Variants in ATP8A1 observed in about 807,000 individuals in gnomAD.
ATP8A1 encodes the protein phospholipid-transporting ATPase IA.
Under a neutral mutation model 177.7 loss-of-function variants are expected in ATP8A1, and 90 were observed. The ratio of observed to expected loss-of-function variants is 0.51; its 90% confidence interval spans 0.43 to 0.60. The LOEUF (loss-of-function observed/expected upper bound fraction) is 0.60, where lower values mean the gene tolerates loss of function less well. Among genes scored for constraint, ATP8A1 ranks in the 20% least tolerant of loss-of-function variants. ATP8A1 has a pLI of 0.00. For missense variants in ATP8A1, 1,072 were observed against 1,392.8 expected, an observed-to-expected ratio of 0.77 and a Z score of 3.67; for synonymous variants, 493 against 485.9, an observed-to-expected ratio of 1.01 and a Z score of -0.19.
chr4:42,574,117 T>C (rs1220217937), intron 14 of ATP8A1, among the ~76,000 whole-genome samples: 1 of 152,152 alleles, frequency 6.6e-6, no homozygotes, highest in Non-Finnish European at 1.5e-5. Flanking sequence ...TCTGATGATA[T>C]TAATTATCCT....
chr4:42,443,979 T>C (rs902328869), intron 32 of ATP8A1, among the ~76,000 whole-genome samples: 16 of 152,322 alleles, frequency 1.1e-4, no homozygotes, highest in Middle Eastern at 3.4e-3. Flanking sequence ...TTACTCTTGG[T>C]CTGCATGCTC....
At chr4:42,469,740 G>C (rs571934364) in intron 25 of ATP8A1, among the ~76,000 whole-genome samples, 1 of 152,082 alleles carries the variant, frequency 6.6e-6, no homozygotes, top group Non-Finnish European at 1.5e-5. Flanking sequence ...AAATTCTCCA[G>C]AATATATTAT....
In ATP8A1 at chr4:42,581,697, C is replaced by T. The variant is rs1188738511; in HGVS notation, c.758G>A (p.Arg253Gln). The T allele has an allele frequency of 6.2e-6, 10 of 1,613,948 alleles. No individual in the cohort carries two copies. Among genetic ancestry groups the T allele is most frequent in the South Asian group, 2.2e-5 (2 of 91,082 alleles). ...VPLGADQILL[R>Q]GAQLRNTQWV... is the part of the protein sequence containing the mutation. ...CTGTGTATTTCTCAACTGAGCTCCTCGAAGAAGAATCTGATCTGCTCCCAG... is the reference window on the plus strand; with the variant it reads ...CTGTGTATTTCTCAACTGAGCTCCTTGAAGAAGAATCTGATCTGCTCCCAG... The change falls in exon 10 of 37, where the codon CGA becomes CAA. Residue 253 changes from arginine to glutamine, a missense_variant. Around this residue, in one of 5 missense-constraint regions of ATP8A1, gnomAD observed 344 missense variants for 393.5 expected, o/e 0.87. Transcript: ENST00000381668.
chr4:42,551,636 C>G (rs1156232811), intron 17 of ATP8A1, among the ~76,000 whole-genome samples: 1 of 152,144 alleles, frequency 6.6e-6, no homozygotes, highest in Non-Finnish European at 1.5e-5. Context: ...AACTTTTATC[C>G]TTTTCCTCCT....
intron 33 of ATP8A1, among the ~76,000 whole-genome samples, chr4:42,435,017 A>C (rs904518087): frequency 4.6e-5 from 7 of 152,242 alleles, no homozygotes; most frequent in African/African-American, 1.7e-4. Flanking sequence ...TATGCCATAA[A>C]GTAACTTGCT....
chr4:42,412,995 T>C lies in ATP8A1; in HGVS notation c.3416A>G (p.Gln1139Arg). The part of the protein sequence containing the change: ...QNLLHGYAFS[Q>R]DENGIVSQSE... ...CTGTGAAACGATTCCATTTTCATCT[T>C]GAGAGAACGCATACCCATCTGTAGG... Residue 1139 changes from glutamine to arginine, a missense_variant, in exon 37 of 37, where the codon CAA (glutamine) becomes CGA (arginine). By Grantham distance (43) the Gln-to-Arg change is conservative (BLOSUM62 1). This residue lies in a region of ATP8A1 where 316 missense variants were observed against 459.1 expected (regional missense o/e 0.69). Transcript: ENST00000381668. 1 of 1,613,400 alleles carries C rather than the reference T, an allele frequency of 6.2e-7. No individual in the cohort carries two copies. The highest frequency in any genetic ancestry group is 8.5e-7 in the Non-Finnish European group (1 of 1,179,528).
chr4:42,504,887 CTTTT>C (rs1560399180), intron 23 of ATP8A1, among the ~76,000 whole-genome samples: 2 of 152,346 alleles, frequency 1.3e-5, no homozygotes, highest in East Asian at 1.9e-4. Flanking sequence ...ACTATTCTTT[CTTTT>C]ATTTTTGTGC....
chr4:42,498,127 T>C lies in ATP8A1; in HGVS notation c.2151+5323A>G, dbSNP rs1412802850. Among the ~76,000 whole-genome samples, 3 of 152,198 alleles carry C rather than the reference T, an allele frequency of 2.0e-5. No homozygotes were observed. In the East Asian group the frequency reaches 5.8e-4, roughly 29 times the overall value. On this transcript the variant is annotated intron_variant, in intron 24 of 36. Transcript: ENST00000381668. Reference sequence around the variant, plus strand: ...AAACTATTTTCAAAGCAATACAAAATATATTGTATGAGACTCATGGGACAT... The same window carrying C: ...AAACTATTTTCAAAGCAATACAAAACATATTGTATGAGACTCATGGGACAT...
intron 1 of ATP8A1, among the ~76,000 whole-genome samples, chr4:42,646,497 C>T (rs1740550898): frequency 6.6e-6 from 1 of 152,196 alleles, no homozygotes; most frequent in Non-Finnish European, 1.5e-5. Context: ...TACTTCAGGA[C>T]CAGAATTAAC....
At chr4:42,459,417 T>C in intron 27 of ATP8A1, 1 of 218,618 alleles carries the variant, frequency 4.6e-6, no homozygotes, top group East Asian at 1.4e-4. Context: ...TCTTATTTTA[T>C]AAAATTAACT....
chr4:42,656,016 A>G (rs1353728586), intron 1 of ATP8A1, among the ~76,000 whole-genome samples: 1 of 152,248 alleles, frequency 6.6e-6, no homozygotes, highest in African/African-American at 2.4e-5. Context: ...AGCAAAATCA[A>G]ATAATATTTA....
intron 25 of ATP8A1, among the ~76,000 whole-genome samples, chr4:42,478,132 A>T: frequency 6.6e-6 from 1 of 152,076 alleles, no homozygotes; most frequent in Non-Finnish European, 1.5e-5. Flanking sequence ...AGGCAGGTGG[A>T]TCCCTTGAGC....
At chr4:42,537,854 C>T (rs1334431850) in intron 20 of ATP8A1, among the ~76,000 whole-genome samples, 2 of 152,096 alleles carry the variant, frequency 1.3e-5, no homozygotes, top group Admixed American at 6.5e-5. Context: ...TCTACAAATT[C>T]AATGCAATTT....
intron 29 of ATP8A1, among the ~76,000 whole-genome samples, chr4:42,453,803 A>G (rs1718192764): frequency 6.6e-6 from 1 of 152,182 alleles, no homozygotes; most frequent in Non-Finnish European, 1.5e-5. Flanking sequence ...AATTATTGTT[A>G]GTATACCAAC....
At chr4:42,578,426 A>G (rs1732692012) in intron 11 of ATP8A1, 39 bp from the exon 12 acceptor site, 1 of 1,596,640 alleles carries the variant, frequency 6.3e-7, no homozygotes, top group African/African-American at 1.4e-5. Flanking sequence ...TTACAGTTTT[A>G]TATTTTATTT....
intron 7 of ATP8A1, 74 bp from the exon 8 acceptor site, chr4:42,588,403 C>A: frequency 1.6e-6 from 2 of 1,240,948 alleles, no homozygotes; most frequent in South Asian, 1.3e-5. Context: ...TTTAAATGCT[C>A]AGACTCACTA....
intron 1 of ATP8A1, among the ~76,000 whole-genome samples, chr4:42,644,130 A>G (rs1233546607): frequency 1.3e-5 from 2 of 152,328 alleles, no homozygotes; most frequent in African/African-American, 4.8e-5. Context: ...TATCTGACCT[A>G]TAAAGAAATC....
At chr4:42,453,821 C>T (rs1033925651) in intron 29 of ATP8A1, among the ~76,000 whole-genome samples, 2 of 152,122 alleles carry the variant, frequency 1.3e-5, no homozygotes, top group African/African-American at 2.4e-5. Context: ...AACCAGTAGA[C>T]CTGGAACTTC....
chr4:42,421,775 T>C (rs888267638), intron 35 of ATP8A1, among the ~76,000 whole-genome samples: 1 of 152,140 alleles, frequency 6.6e-6, no homozygotes, highest in Admixed American at 6.5e-5. Flanking sequence ...TCCTATAGTT[T>C]AGCCAAAACC....
Sources: gnomAD v4.1 joint callset for allele counts (sites outside exome capture counted in the v4.1 genomes callset) on GRCh38, gnomAD v4.1.1 for gene constraint, gnomAD v4.1.1 regional missense constraint, MANE v1.5 for transcripts, NCBI Gene and HGNC (gene_info 2026-07-23, HGNC 2026-07-21) for gene names.